The following GON4L variants were observed in gnomAD, a reference collection of about 807,000 sequenced individuals.
GON4L encodes GON-4-like protein.
Under a neutral mutation model 211.8 loss-of-function variants are expected in GON4L, and 87 were observed. The observed-to-expected ratio is 0.41, with a 90% CI of 0.35 to 0.49. The LOEUF is 0.49. Ranked by LOEUF, GON4L falls within the 20% of genes least tolerant of loss-of-function variation. The pLI is 0.15. For missense variants in GON4L, 2,155 were observed against 2,659.5 expected (o/e 0.81, Z 4.17); for synonymous variants, 875 against 962.6 (o/e 0.91, Z 1.68).
At chr1:155,810,417 A>G (rs1047107723) in intron 10 of GON4L, among the ~76,000 whole-genome samples, 3 of 152,154 alleles carry the variant, frequency 2.0e-5, no homozygotes, top group African/African-American at 7.2e-5. Context: ...ATTAAAATTT[A>G]CTGGCTAAGG....
intron 13 of GON4L, chr1:155,785,133 G>A (rs1234544474): frequency 1.5e-6 from 1 of 664,944 alleles, no homozygotes; most frequent in East Asian, 2.9e-5. Flanking sequence ...ATGTTAATAA[G>A]AACAACATAC....
At chr1:155,759,362 T>A (rs553166501) in intron 24 of GON4L, among the ~76,000 whole-genome samples, 1 of 152,134 alleles carries the variant, frequency 6.6e-6, no homozygotes, top group African/African-American at 2.4e-5. Flanking sequence ...ACCTGAGGTC[T>A]GGAGTTCGAG....
At chr1:155,797,671 C>G (rs548272762) in intron 11 of GON4L, among the ~76,000 whole-genome samples, 3 of 149,212 alleles carry the variant, frequency 2.0e-5, no homozygotes, top group African/African-American at 5.0e-5. Context: ...TGGTGAGACC[C>G]CCCCCCTCCC....
chr1:155,747,832 A>C (rs1388426623), downstream of GON4L: 3 of 1,599,088 alleles, frequency 1.9e-6, no homozygotes, highest in African/African-American at 4.0e-5. Flanking sequence ...GAGCTGCTAC[A>C]AGATGAATAT....
chr1:155,746,254 TGAG>T (rs767877129), downstream of GON4L: 11 of 1,114,712 alleles, frequency 9.9e-6, no homozygotes, highest in East Asian at 7.4e-5. Context: ...GGACCGGAGA[TGAG>T]GAGCTGAGCA....
downstream of GON4L, chr1:155,747,940 G>C (rs774132390): frequency 4.0e-5 from 63 of 1,562,414 alleles, no homozygotes; most frequent in Non-Finnish European, 5.4e-5. Flanking sequence ...CCCATTGGGA[G>C]AGTGGCTTAA....
chr1:155,767,644 C>G, intron 19 of GON4L, 103 bp from the exon 20 acceptor site: 2 of 1,548,784 alleles, frequency 1.3e-6, no homozygotes, highest in South Asian at 1.1e-5. Flanking sequence ...AACACACACA[C>G]ACACACACAC....
chr1:155,801,547 T>G (rs1415175098), intron 11 of GON4L, among the ~76,000 whole-genome samples: 1 of 152,154 alleles, frequency 6.6e-6, no homozygotes, highest in Non-Finnish European at 1.5e-5. Context: ...ACAATTTGCT[T>G]CTTGTTATTT....
chr1:155,835,306 G>A (rs1447215464), intron 2 of GON4L, among the ~76,000 whole-genome samples: 1 of 152,068 alleles, frequency 6.6e-6, no homozygotes. Context: ...CTAATCTCAA[G>A]GACCCAGGGA....
chr1:155,807,703 C>CAAAAAAAAAAAAAAAAA (rs61248477), intron 10 of GON4L, among the ~76,000 whole-genome samples: 5 of 52,908 alleles, frequency 9.5e-5, no homozygotes, highest in East Asian at 7.2e-4. Context: ...GACTCCGTCT[C>CAAAAAAAAAAAAAAAAA]AAAAAAAAAA....
At chr1:155,828,791 G>A (rs538380833) in intron 2 of GON4L, among the ~76,000 whole-genome samples, 2 of 131,574 alleles carry the variant, frequency 1.5e-5, no homozygotes, top group African/African-American at 5.8e-5. Context: ...CTGGGCGACA[G>A]AGAGAGACTC....
At chr1:155,791,757 ATT>A (rs1665588249) in intron 12 of GON4L, among the ~76,000 whole-genome samples, 1 of 151,988 alleles carries the variant, frequency 6.6e-6, no homozygotes, top group African/African-American at 2.4e-5. Flanking sequence ...AATCCCAGCT[ATT>A]CTGGAGGCTG....
chr1:155,786,927 C>T (rs1220932717), intron 12 of GON4L, among the ~76,000 whole-genome samples: 2 of 145,744 alleles, frequency 1.4e-5, no homozygotes, highest in Middle Eastern at 3.5e-3. Context: ...AGAGTTTTTT[C>T]GTTTTTTTTT....
At chr1:155,845,114 G>C (rs948584259) in intron 2 of GON4L, among the ~76,000 whole-genome samples, 5 of 152,128 alleles carry the variant, frequency 3.3e-5, no homozygotes, top group Non-Finnish European at 5.9e-5. Context: ...AATCTCTGTG[G>C]GGGGAGTGAG....
intron 2 of GON4L, among the ~76,000 whole-genome samples, chr1:155,828,807 C>CAAAA (rs34551835): frequency 1.4e-5 from 1 of 72,772 alleles, no homozygotes. Flanking sequence ...GACTCTGTCT[C>CAAAA]AAAAAAAAAA....
In GON4L at chr1:155,752,110, G is replaced by A. The variant is rs201986431; in HGVS notation, c.6323C>T (p.Pro2108Leu). 15 of 1,613,482 alleles carry A rather than the reference G, an allele frequency of 9.3e-6. No individual in the cohort carries two copies. The Admixed American group carries it at 1.0e-4, about 11-fold the overall frequency. Residue 2108 changes from proline (P) to leucine (L), a missense_variant, in exon 30 of 32, where the codon CCC becomes CTC. Coordinates refer to ENST00000368331, the MANE Select transcript of GON4L (RefSeq NM_001282860.2). ...PSGIDTSETS[P>L]KAPRGGLAKD... The stretch of plus-strand genomic sequence containing the variant: ...AGCCAAACCCCCTCTAGGGGCTTTG[G>A]GAGAAGTCTCTGAGGTGTCAATTCC...
chr1:155,746,918 G>A (rs768119241), downstream of GON4L: 32 of 1,599,382 alleles, frequency 2.0e-5, 7 homozygotes, highest in African/African-American at 4.9e-4. Flanking sequence ...CACAACCTGA[G>A]GGTCTCCATA....
At position 155,752,381 on chromosome 1, in the gene GON4L, C is replaced by T. The variant is rs1233580819; in HGVS notation, c.6052G>A (p.Glu2018Lys). The stretch of plus-strand genomic sequence containing the variant: ...GACTCACTCACTGCCTTTTGGCCCT[C>T]CCTCTCTTTCTGAAGTCTGGGGGAT... ...KASPRLQKEREGQKAVSESEA... is the reference protein window; with the variant it reads ...KASPRLQKERKGQKAVSESEA... The change falls in exon 30 of 32, where the codon GAG becomes AAG. Residue 2018 changes from glutamate to lysine, a missense_variant. By Grantham distance (56) the Glu-to-Lys change is moderately conservative. Coordinates refer to ENST00000368331, the MANE Select transcript of GON4L (RefSeq NM_001282860.2). The T allele has an allele frequency of 6.3e-6, 10 of 1,593,594 alleles. No homozygotes were observed. Among genetic ancestry groups the T allele is most frequent in the East Asian group, 4.5e-5 (2 of 44,256 alleles).
At chr1:155,828,130 C>T (rs2102311531) in intron 2 of GON4L, among the ~76,000 whole-genome samples, 1 of 146,952 alleles carries the variant, frequency 6.8e-6, no homozygotes, top group South Asian at 2.3e-4. Flanking sequence ...TGCACTCCAG[C>T]CTGGGTGTCA....
Sources: gnomAD v4.1 joint callset for allele counts (sites outside exome capture counted in the v4.1 genomes callset) on GRCh38, gnomAD v4.1.1 for gene constraint, MANE v1.5 for transcripts, NCBI Gene and HGNC (gene_info 2026-07-23, HGNC 2026-07-21) for gene names.